RNF128: variants seen among roughly 807,000 people sequenced by gnomAD.
The protein encoded by RNF128 is E3 ubiquitin-protein ligase RNF128.
Under a neutral mutation model 26.2 loss-of-function variants are expected in RNF128, and 13 were observed. The observed-to-expected ratio is 0.50, with a 90% CI of 0.32 to 0.79. RNF128 has a LOEUF of 0.79. RNF128 is among the 30% of genes least tolerant of loss of function. The probability of loss-of-function intolerance (pLI) is 0.03; values close to 1 mark genes in which losing one functional copy is unlikely to be tolerated. For missense variants in RNF128, 315 were observed against 349.7 expected (o/e 0.90, Z 0.79); for synonymous variants, 149 against 142.5 (o/e 1.05, Z -0.32).
At chrX:106,764,850 T>C (rs1016844015) in intron 1 of RNF128, among the ~76,000 whole-genome samples, 1 of 112,184 alleles carries the variant, frequency 8.9e-6, no homozygotes, top group African/African-American at 3.2e-5. Flanking sequence ...ATCACAACTT[T>C]ATTACTATAC....
chrX:106,771,748 T>G (rs1405615967), intron 1 of RNF128, among the ~76,000 whole-genome samples: 1 of 112,845 alleles, frequency 8.9e-6, no homozygotes, highest in Non-Finnish European at 1.9e-5. Context: ...TACCCACTTG[T>G]CTGGCAAGCC....
rs184264748 is a variant in RNF128, at chrX:106,784,760, T to C, written c.733-305T>C. ...TGAGCTTGCAAATAGGAAGATTGCT[T>C]TGAAAATTCATAGTATTTGAATCCA... On this transcript the variant is annotated intron_variant, in intron 2 of 6. Coordinates refer to ENST00000255499, the MANE Select transcript of RNF128 (RefSeq NM_194463.2). Among the ~76,000 whole-genome samples, 147 of 111,731 alleles carry C rather than the reference T, an allele frequency of 1.3e-3. 1 individual carries two copies. The highest frequency in any genetic ancestry group is 2.3e-3 in the Non-Finnish European group (123 of 53,074).
At chrX:106,721,058 C>T (rs754344659) in intron 1 of RNF128, among the ~76,000 whole-genome samples, 6 of 111,691 alleles carry the variant, frequency 5.4e-5, no homozygotes, top group Non-Finnish European at 9.4e-5. Flanking sequence ...TTGAGCTGAC[C>T]GAGGTTTAAT....
chrX:106,788,397 T>TATATATTATATATA (rs1930714277), intron 4 of RNF128, among the ~76,000 whole-genome samples: 4 of 41,481 alleles, frequency 9.6e-5, no homozygotes, highest in African/African-American at 6.0e-4. Flanking sequence ...TAATATATAT[T>TATATATTATATATA]ATATATAATA....
chrX:106,699,073 A>C (rs1313636930), intron 1 of RNF128, among the ~76,000 whole-genome samples: 2 of 110,993 alleles, frequency 1.8e-5, no homozygotes, highest in Non-Finnish European at 3.8e-5. Flanking sequence ...TCACTTTTTC[A>C]CCTCTGCTGC....
intron 1 of RNF128, among the ~76,000 whole-genome samples, chrX:106,703,357 T>G (rs771629901): frequency 1.8e-5 from 2 of 111,947 alleles, no homozygotes; most frequent in Admixed American, 1.9e-4. Flanking sequence ...TTCTTCTCAG[T>G]GTAATCATCC....
Position 106,726,948 on chromosome X carries a change from G to A in RNF128, c.35G>A (p.Arg12His), listed in dbSNP as rs778268208. 28 of 1,183,967 alleles carry A rather than the reference G, an allele frequency of 2.4e-5. No homozygotes were observed. Among genetic ancestry groups the A allele is most frequent in the South Asian group, 1.9e-5 (1 of 53,711 alleles). The change falls in exon 1 of 7, where the codon CGC (arginine) becomes CAC (histidine). Residue 12 changes from arginine (R) to histidine (H), a missense_variant. Arg to His is a conservative substitution (Grantham distance 29). Coordinates refer to ENST00000255499, the MANE Select transcript of RNF128 (RefSeq NM_194463.2). Reference protein sequence around the residue: ...GPPPGAGVSCRGGCGFSRLLA... With the variant: ...GPPPGAGVSCHGGCGFSRLLA... The stretch of plus-strand genomic sequence containing the variant: ...CCGCCTGGGGCCGGGGTCTCCTGCC[G>A]CGGTGGCTGCGGCTTTTCCAGATTG...
At chrX:106,788,110 T>C (rs1033721230) in intron 4 of RNF128, 110 bp downstream of exon 4, 4 of 402,704 alleles carry the variant, frequency 9.9e-6, no homozygotes, top group Non-Finnish European at 1.6e-5. Flanking sequence ...AAAATGTTTA[T>C]TTTTTAACTT....
At chrX:106,778,611 T>A (rs1418172266) in intron 2 of RNF128, among the ~76,000 whole-genome samples, 2 of 111,990 alleles carry the variant, frequency 1.8e-5, no homozygotes, top group Admixed American at 1.9e-4. Context: ...AGTTTCATTG[T>A]TGGGGTCCTC....
intron 1 of RNF128, among the ~76,000 whole-genome samples, chrX:106,716,657 C>A (rs997906307): frequency 1.1e-4 from 12 of 110,882 alleles, no homozygotes. Context: ...AGATAGCCTG[C>A]CCTCAAATTC....
chrX:106,764,961 G>C (rs1930191058), intron 1 of RNF128, among the ~76,000 whole-genome samples: 1 of 111,275 alleles, frequency 9.0e-6, no homozygotes, highest in Admixed American at 9.6e-5. Context: ...GAAAAAAAGG[G>C]CCACTGTTTG....
chrX:106,726,790 C>T lies in RNF128; in HGVS notation c.-124C>T. ...CGTGCCTCCTGGCTCCGACGTAGCT[C>T]GCAGCTCCCCAGTCTCACTCCATTC... On this transcript the variant is annotated 5_prime_UTR_variant, in exon 1 of 7. Coordinates refer to ENST00000255499, the MANE Select transcript of RNF128 (RefSeq NM_194463.2). 9.3e-7 allele frequency: 1 copy of T among 1,069,827 alleles called. No individual in the cohort carries two copies. 88.2% of individuals were successfully genotyped at this position (1,069,827 alleles called of 1,213,427 possible). A position where few individuals can be genotyped will look rare whatever the true frequency, so the allele number is the denominator to read the frequency against.
In RNF128 at chrX:106,694,452, C is replaced by T. The variant is rs772496929; in HGVS notation, c.406+44C>T. Reference sequence around the variant, plus strand: ...ACAAAGAGAGTTAATGTCCGTTTATCTTAGAATGGTATTTCCATCTAGAAC... The same window carrying T: ...ACAAAGAGAGTTAATGTCCGTTTATTTTAGAATGGTATTTCCATCTAGAAC... On this transcript the variant is annotated intron_variant, in intron 1 of 6. Coordinates refer to the RNF128 transcript ENST00000324342. The T allele has an allele frequency of 1.4e-5, 15 of 1,036,515 alleles. No individual in the cohort carries two copies. The South Asian group carries it at 3.3e-4, about 23-fold the overall frequency. The allele number at this position is 1,036,515 out of a possible 1,213,427, so 85.4% of individuals were successfully genotyped here. A position where few individuals can be genotyped will look rare whatever the true frequency, so the allele number is the denominator to read the frequency against.
At chrX:106,708,683 T>C (rs190499303) in intron 1 of RNF128, among the ~76,000 whole-genome samples, 8 of 112,162 alleles carry the variant, frequency 7.1e-5, no homozygotes, top group East Asian at 5.6e-4. Context: ...CAGTGCTTCT[T>C]TTTGGCATCA....
intron 1 of RNF128, among the ~76,000 whole-genome samples, chrX:106,714,848 G>A (rs1929187882): frequency 9.0e-6 from 1 of 111,171 alleles, no homozygotes; most frequent in African/African-American, 3.3e-5. Context: ...TATAATTCTC[G>A]GGAGATTCAT....
At chrX:106,774,807 T>C (rs951336351) in intron 2 of RNF128, among the ~76,000 whole-genome samples, 4 of 111,881 alleles carry the variant, frequency 3.6e-5, no homozygotes, top group Non-Finnish European at 7.5e-5. Flanking sequence ...TTTTTATATG[T>C]ACTGAGCAGT....
intron 1 of RNF128, among the ~76,000 whole-genome samples, chrX:106,719,876 A>G (rs996010931): frequency 9.2e-6 from 1 of 108,224 alleles, no homozygotes; most frequent in African/African-American, 3.4e-5. Flanking sequence ...GTCATACTGG[A>G]TCTGATGAAT....
chrX:106,740,514 G>A (rs910719730), intron 1 of RNF128, among the ~76,000 whole-genome samples: 7 of 111,827 alleles, frequency 6.3e-5, no homozygotes, highest in African/African-American at 2.3e-4. Flanking sequence ...TGAATAAACA[G>A]TGGAATTCTC....
At chrX:106,757,643 G>T (rs750399082) in intron 1 of RNF128, among the ~76,000 whole-genome samples, 1 of 94,361 alleles carries the variant, frequency 1.1e-5, no homozygotes, top group South Asian at 6.0e-4. Context: ...TAGATGACGA[G>T]TTAGTGGGTG....
Sources: allele counts gnomAD v4.1 joint callset (sites outside exome capture counted in the v4.1 genomes callset), GRCh38; gene constraint gnomAD v4.1.1; transcripts MANE v1.5; gene names NCBI Gene and HGNC (gene_info 2026-07-23, HGNC 2026-07-21).